The following ATP10B variants were observed in gnomAD, a reference collection of about 807,000 sequenced individuals.
ATP10B encodes phospholipid-transporting ATPase VB.
ATP10B carries 122 observed loss-of-function variants against 141.2 expected under a neutral mutation model. That is an observed-to-expected ratio of 0.86 (90% CI 0.75 to 1.00). ATP10B has a LOEUF of 1.00. Among genes scored for constraint, ATP10B ranks in the 50% least tolerant of loss-of-function variants. ATP10B has a pLI of 0.00. For missense variants in ATP10B, 1,876 were observed against 1,825.3 expected (o/e 1.03, Z -0.51); for synonymous variants, 685 against 692.0 (o/e 0.99, Z 0.16).
intron 1 of ATP10B, among the ~76,000 whole-genome samples, chr5:160,822,018 C>T (rs1774149164): frequency 6.6e-6 from 1 of 152,046 alleles, no homozygotes; most frequent in Non-Finnish European, 1.5e-5. Flanking sequence ...AATGGGATCA[C>T]ATCAAGTTAA....
chr5:160,760,461 C>T (rs961369205), intron 2 of ATP10B, among the ~76,000 whole-genome samples: 37 of 152,242 alleles, frequency 2.4e-4, no homozygotes, highest in Admixed American at 4.6e-4. Flanking sequence ...CAAAGTTCCC[C>T]GTTCTTTTGG....
chr5:160,726,019 T>C (rs1212986451), intron 2 of ATP10B, among the ~76,000 whole-genome samples: 2 of 152,124 alleles, frequency 1.3e-5, no homozygotes, highest in Non-Finnish European at 2.9e-5. Context: ...ATCTCAATCA[T>C]GGAATGAGAG....
chr5:160,879,517 C>T, the ATP10B span, among the ~76,000 whole-genome samples: 4 of 146,122 alleles, frequency 2.7e-5, no homozygotes, highest in African/African-American at 7.5e-5. Flanking sequence ...GCACATGTAC[C>T]CTAAAACTTA....
At chr5:160,598,621 G>A in intron 22 of ATP10B, 149 bp downstream of exon 22, 1 of 723,844 alleles carries the variant, frequency 1.4e-6, no homozygotes, top group South Asian at 1.8e-5. Flanking sequence ...GGAAAGGAGA[G>A]AGGAGTTACT....
intron 7 of ATP10B, among the ~76,000 whole-genome samples, chr5:160,653,600 T>C (rs1222344451): frequency 7.0e-5 from 2 of 28,438 alleles, no homozygotes; most frequent in East Asian, 7.3e-4. Flanking sequence ...CATATATACA[T>C]ATATACATAT....
chr5:160,573,271 A>G (rs928606424), intron 24 of ATP10B, among the ~76,000 whole-genome samples: 2 of 152,210 alleles, frequency 1.3e-5, no homozygotes, highest in African/African-American at 4.8e-5. Context: ...TCCAGGAAGG[A>G]AGAGGGCCTG....
Position 160,686,244 on chromosome 5 carries a change from AC to A in ATP10B, c.304del (p.Val102Ter). On this transcript the variant is annotated frameshift_variant, in exon 6 of 26. Coordinates refer to ENST00000327245, the MANE Select transcript of ATP10B (RefSeq NM_025153.3). LOFTEE classifies it high-confidence loss of function. ...CATGGAGGGCATCCAGTTCAAAATC[AC>A]CAGGAACAGGAAATAGAGGTTAGCC... ...RWANLYFLFL[V>X]ILNWMPSMEV... 6.2e-7 allele frequency: 1 copy of A among 1,605,020 alleles called. No individual in the cohort carries two copies. Among genetic ancestry groups the A allele is most frequent in the Non-Finnish European group, 8.5e-7 (1 of 1,173,596 alleles).
At chr5:160,709,398 G>T (rs546644326) in intron 3 of ATP10B, among the ~76,000 whole-genome samples, 1 of 152,028 alleles carries the variant, frequency 6.6e-6, no homozygotes, top group Non-Finnish European at 1.5e-5. Context: ...ACACGAACAG[G>T]TTATTCACAG....
intron 7 of ATP10B, among the ~76,000 whole-genome samples, chr5:160,668,125 G>C (rs1762433505): frequency 1.3e-5 from 2 of 151,354 alleles, no homozygotes. Flanking sequence ...CCAGCTACTT[G>C]GGAGGCTGAG....
intron 13 of ATP10B, among the ~76,000 whole-genome samples, chr5:160,628,606 G>C (rs894682792): frequency 6.6e-6 from 1 of 152,124 alleles, no homozygotes; most frequent in Non-Finnish European, 1.5e-5. Flanking sequence ...GGTGGCGGGG[G>C]GGATGTCCAC....
intron 2 of ATP10B, among the ~76,000 whole-genome samples, chr5:160,784,659 G>C (rs1223796050): frequency 6.6e-6 from 1 of 152,102 alleles, no homozygotes; most frequent in Non-Finnish European, 1.5e-5. Flanking sequence ...TTTATATCTA[G>C]AGTCTAAGTA....
chr5:160,698,831 A>C (rs1764519751), intron 3 of ATP10B, among the ~76,000 whole-genome samples: 1 of 152,200 alleles, frequency 6.6e-6, no homozygotes, highest in Non-Finnish European at 1.5e-5. Context: ...TTGGGGAAGT[A>C]GAAATAGCCA....
intron 2 of ATP10B, among the ~76,000 whole-genome samples, chr5:160,767,641 C>CCCCCTG (rs1554113858): frequency 1.8e-5 from 2 of 114,078 alleles, no homozygotes; most frequent in East Asian, 5.4e-4. Context: ...CAGAACCCCC[C>CCCCCTG]CCCCCAAAAT....
At chr5:160,818,823 A>C (rs571659693) in intron 1 of ATP10B, among the ~76,000 whole-genome samples, 33 of 152,368 alleles carry the variant, frequency 2.2e-4, no homozygotes, top group Non-Finnish European at 3.8e-4. Flanking sequence ...GCAGCCATAA[A>C]AAATGATGAG....
chr5:160,913,213 G>A, the ATP10B span, among the ~76,000 whole-genome samples: 2 of 152,238 alleles, frequency 1.3e-5, no homozygotes, highest in African/African-American at 4.8e-5. Context: ...CCAGCTCTGT[G>A]CTTTCTGCAG....
At chr5:160,887,631 G>A in the ATP10B span, among the ~76,000 whole-genome samples, 1 of 152,054 alleles carries the variant, frequency 6.6e-6, no homozygotes, top group Non-Finnish European at 1.5e-5. Context: ...ACCTTGCTGT[G>A]TCTCCCCTCA....
intron 1 of ATP10B, among the ~76,000 whole-genome samples, chr5:160,786,274 G>C (rs902104485): frequency 6.6e-6 from 1 of 152,150 alleles, no homozygotes; most frequent in Non-Finnish European, 1.5e-5. Context: ...GGGAAATCAA[G>C]ACTGCAGTTT....
intron 6 of ATP10B, among the ~76,000 whole-genome samples, chr5:160,678,914 A>C (rs1271846688): frequency 6.6e-6 from 1 of 152,108 alleles, no homozygotes; most frequent in East Asian, 1.9e-4. Flanking sequence ...TCATTGCTTT[A>C]CTCACCCTGT....
chr5:160,707,104 C>A (rs910603477), intron 3 of ATP10B, among the ~76,000 whole-genome samples: 2 of 152,100 alleles, frequency 1.3e-5, no homozygotes, highest in Admixed American at 6.5e-5. Context: ...GCGCCTGCCA[C>A]CACGCCTCGC....
Sources: gnomAD v4.1 joint callset for allele counts (sites outside exome capture counted in the v4.1 genomes callset) on GRCh38, gnomAD v4.1.1 for gene constraint, MANE v1.5 for transcripts, NCBI Gene and HGNC (gene_info 2026-07-23, HGNC 2026-07-21) for gene names.